Variants in PPP1R14C observed in about 807,000 individuals in gnomAD.
PPP1R14C encodes protein phosphatase 1 regulatory inhibitor subunit 14C, also known as protein phosphatase 1 regulatory subunit 14C.
PPP1R14C carries 16 observed loss-of-function variants against 20.4 expected under a neutral mutation model. The observed-to-expected ratio is 0.78, with a 90% CI of 0.53 to 1.19. The LOEUF is 1.19. Ranked by LOEUF, PPP1R14C falls within the 50% of genes most tolerant of loss-of-function variation. The pLI, the probability that PPP1R14C is intolerant of heterozygous loss-of-function variation, is 0.00. For missense variants in PPP1R14C, 211 were observed against 220.1 expected (o/e 0.96, Z 0.26); for synonymous variants, 91 against 91.0 (o/e 1.00, Z 0.00).
intron 1 of PPP1R14C, among the ~76,000 whole-genome samples, chr6:150,203,667 G>GAT (rs978504541): frequency 3.3e-5 from 5 of 150,574 alleles, no homozygotes; most frequent in African/African-American, 1.2e-4. Flanking sequence ...ATGAGCAGTT[G>GAT]ATAGTGCAGG....
At chr6:150,221,823 G>A (rs1361695021) in intron 3 of PPP1R14C, among the ~76,000 whole-genome samples, 1 of 151,994 alleles carries the variant, frequency 6.6e-6, no homozygotes, top group African/African-American at 2.4e-5. Flanking sequence ...TTTTGAGAAA[G>A]AGTCTCACTG....
intron 1 of PPP1R14C, among the ~76,000 whole-genome samples, chr6:150,176,628 C>A (rs995652939): frequency 6.6e-6 from 1 of 152,172 alleles, no homozygotes; most frequent in African/African-American, 2.4e-5. Context: ...TGTGGATTGG[C>A]GTCCCTGGTC....
intron 1 of PPP1R14C, among the ~76,000 whole-genome samples, chr6:150,181,950 A>G (rs533871889): frequency 3.9e-4 from 59 of 152,332 alleles, no homozygotes; most frequent in African/African-American, 1.3e-3. Flanking sequence ...CGTCCGTAGC[A>G]GCTGCTAGTT....
At chr6:150,235,431 G>A (rs1029441786) in intron 3 of PPP1R14C, among the ~76,000 whole-genome samples, 5 of 152,180 alleles carry the variant, frequency 3.3e-5, no homozygotes, top group Non-Finnish European at 7.3e-5. Flanking sequence ...GTGGTTTCCT[G>A]GGTGTAACCA....
chr6:150,155,365 A>T (rs1187858620), intron 1 of PPP1R14C, among the ~76,000 whole-genome samples: 1 of 152,224 alleles, frequency 6.6e-6, no homozygotes, highest in Admixed American at 6.5e-5. Context: ...TGGTATAATG[A>T]TAGAATCATA....
chr6:150,182,314 A>G (rs1182686219), intron 1 of PPP1R14C, among the ~76,000 whole-genome samples: 2 of 152,184 alleles, frequency 1.3e-5, no homozygotes, highest in Admixed American at 6.5e-5. Flanking sequence ...ACAAAATACC[A>G]TAGCCTGGGT....
chr6:150,172,257 A>G (rs1287612532), intron 1 of PPP1R14C, among the ~76,000 whole-genome samples: 1 of 152,226 alleles, frequency 6.6e-6, no homozygotes, highest in African/African-American at 2.4e-5. Flanking sequence ...TGGCATTGAC[A>G]TTCAGAACTA....
intron 1 of PPP1R14C, among the ~76,000 whole-genome samples, chr6:150,172,387 C>A (rs529026045): frequency 1.1e-3 from 165 of 152,124 alleles, no homozygotes; most frequent in Non-Finnish European, 2.2e-3. Flanking sequence ...CAAGGTGAAG[C>A]TCTTTTGTAA....
chr6:150,156,382 G>C (rs1205955581), intron 1 of PPP1R14C, among the ~76,000 whole-genome samples: 1 of 152,190 alleles, frequency 6.6e-6, no homozygotes, highest in African/African-American at 2.4e-5. Context: ...GTTTGCTTAT[G>C]CTAAATGATG....
At chr6:150,203,683 CGTCTT>C (rs1443106075) in intron 1 of PPP1R14C, among the ~76,000 whole-genome samples, 5 of 148,886 alleles carry the variant, frequency 3.4e-5, no homozygotes, top group Non-Finnish European at 7.5e-5. Context: ...GCAGGGGAAC[CGTCTT>C]CTCTCCAAGA....
At chr6:150,147,300 C>T (rs778231990) in intron 1 of PPP1R14C, among the ~76,000 whole-genome samples, 1 of 152,018 alleles carries the variant, frequency 6.6e-6, no homozygotes. Context: ...CTGCTTCTGC[C>T]TCCTGAGTAG....
chr6:150,146,396 A>T (rs916511351), intron 1 of PPP1R14C, among the ~76,000 whole-genome samples: 1 of 152,214 alleles, frequency 6.6e-6, no homozygotes, highest in African/African-American at 2.4e-5. Flanking sequence ...TATGAGTTAA[A>T]CTAACAACAT....
Position 150,201,438 on chromosome 6 carries a change from C to T in PPP1R14C, c.307-13306C>T, listed in dbSNP as rs887529681. Among the ~76,000 whole-genome samples, 39 of 152,250 alleles carry T rather than the reference C, an allele frequency of 2.6e-4. No homozygotes were observed. The highest frequency in any genetic ancestry group is 8.7e-4 in the African/African-American group (36 of 41,550). ...GAGTGTCCTACACATGCACCCAGCA[C>T]GTGCAAAGGCCCTGTGGAGGCCTGG... On this transcript the variant is annotated intron_variant, in intron 1 of 3. Coordinates refer to ENST00000361131, the MANE Select transcript of PPP1R14C (RefSeq NM_030949.3). This position sits in a 1 kb window ranked among gnomAD's most constrained non-coding sequence, Gnocchi z 4.2.
intron 1 of PPP1R14C, among the ~76,000 whole-genome samples, chr6:150,206,940 T>C (rs868009759): frequency 2.0e-5 from 3 of 151,818 alleles, no homozygotes; most frequent in South Asian, 2.1e-4. Context: ...TCTCGGCTCA[T>C]TGAAACCTCT....
chr6:150,240,520 G>C (rs1778419378), intron 3 of PPP1R14C, among the ~76,000 whole-genome samples: 2 of 152,178 alleles, frequency 1.3e-5, no homozygotes, highest in African/African-American at 4.8e-5. Context: ...TGAAGTAGTG[G>C]CCTGCAACCA....
At chr6:150,229,683 A>G (rs1778269893) in intron 3 of PPP1R14C, among the ~76,000 whole-genome samples, 1 of 152,180 alleles carries the variant, frequency 6.6e-6, no homozygotes, top group Admixed American at 6.5e-5. Flanking sequence ...TTTAAGTTAA[A>G]GGAGGGGGAA....
chr6:150,161,776 C>T (rs1267881471), intron 1 of PPP1R14C, among the ~76,000 whole-genome samples: 1 of 152,228 alleles, frequency 6.6e-6, no homozygotes, highest in African/African-American at 2.4e-5. Context: ...CCCTTTTCCC[C>T]TATCCCCTTC....
chr6:150,198,581 C>T (rs777058836), intron 1 of PPP1R14C, among the ~76,000 whole-genome samples: 44 of 152,208 alleles, frequency 2.9e-4, no homozygotes, highest in Admixed American at 1.6e-3. Flanking sequence ...GTTTTCTTGA[C>T]GGTCTTGTTT....
chr6:150,195,739 C>T (rs1187579105), intron 1 of PPP1R14C: 2 of 557,190 alleles, frequency 3.6e-6, no homozygotes, highest in Non-Finnish European at 4.6e-6. Flanking sequence ...AGTACATTTA[C>T]TATTTTTTTT....
Sources: gnomAD v4.1 joint callset for allele counts (sites outside exome capture counted in the v4.1 genomes callset) on GRCh38, gnomAD v4.1.1 for gene constraint, Gnocchi (gnomAD v3.1) non-coding constraint, MANE v1.5 for transcripts, NCBI Gene and HGNC (gene_info 2026-07-23, HGNC 2026-07-21) for gene names.